INTS1: variants seen among roughly 807,000 people sequenced by gnomAD.
The protein encoded by INTS1 is integrator complex subunit 1.
A neutral mutation model predicts 241.6 loss-of-function variants in INTS1; 137 were observed. The ratio of observed to expected loss-of-function variants is 0.57; its 90% CI spans 0.49 to 0.65. The LOEUF (loss-of-function observed/expected upper bound fraction) is 0.65, where lower values mean the gene tolerates loss of function less well. Ranked by LOEUF, INTS1 falls within the 30% of genes least tolerant of loss-of-function variation. The pLI is 0.00. For synonymous variants in INTS1, 1,692 were observed against 1,337.8 expected (o/e 1.26, Z -5.78); for missense variants, 3,073 against 3,032.2 (o/e 1.01, Z -0.32).
chr7:1,480,223 CA>C, intron 30 of INTS1, 93 bp downstream of exon 30: 3 of 1,426,890 alleles, frequency 2.1e-6, no homozygotes, highest in Non-Finnish European at 2.8e-6. Context: ...GGCGGTCACG[CA>C]AGTAAAGGCC....
intron 14 of INTS1, among the ~76,000 whole-genome samples, 185 bp from the exon 15 acceptor site, chr7:1,494,096 G>C (rs1782728029): frequency 6.6e-6 from 1 of 152,194 alleles, no homozygotes; most frequent in Non-Finnish European, 1.5e-5. Flanking sequence ...CTGGCTCTAA[G>C]TCTCGCCTGG....
chr7:1,470,895 C>A lies in INTS1; in HGVS notation c.6408G>T (p.Val2136=). 6.3e-7 allele frequency: 1 copy of A among 1,593,626 alleles called. No individual in the cohort carries two copies. Among genetic ancestry groups the A allele is most frequent in the East Asian group, 2.3e-5 (1 of 43,604 alleles). The change falls in exon 47 of 48, where the codon GTG becomes GTT. Residue 2136 remains valine, a synonymous_variant. Coordinates refer to ENST00000404767, the MANE Select transcript of INTS1 (RefSeq NM_001080453.3). ...MYCLGSQDFE[V]VQTALRNLPE... is the part of the protein sequence containing the mutation. The stretch of plus-strand genomic sequence containing the variant: ...GCAGGTTCCGGAGGGCCGTCTGCAC[C>A]ACCTCAAAGTCCTGGCTGCCCAGGC...
Position 1,478,455 on chromosome 7 carries a change from A to T in INTS1, c.4541T>A (p.Leu1514Gln), listed in dbSNP as rs1453164826. 1.2e-6 allele frequency: 2 copies of T among 1,612,286 alleles called. No individual in the cohort carries two copies. Among genetic ancestry groups the T allele is most frequent in the Non-Finnish European group, 1.7e-6 (2 of 1,179,762 alleles). The change falls in exon 33 of 48, where the codon CTG becomes CAG. Residue 1514 changes from leucine (L) to glutamine (Q), a missense_variant. Coordinates refer to ENST00000404767, the MANE Select transcript of INTS1 (RefSeq NM_001080453.3). ...ACGGACGGTGGAGCTGACCACCTCC[A>T]GGTCCTGACGGAAGGCCAGGGCCTC... is the stretch of plus-strand genomic sequence containing the variant. ...LAEALAFRQD[L>Q]EVVSSTVRAV... is the part of the protein sequence containing the mutation.
chr7:1,501,832 C>T (rs560431374), intron 3 of INTS1, among the ~76,000 whole-genome samples: 31 of 152,320 alleles, frequency 2.0e-4, no homozygotes, highest in South Asian at 1.7e-3. Flanking sequence ...CTGCCCACAG[C>T]GCCCAGCCTC....
At position 1,470,529 on chromosome 7, in the gene INTS1, CG is replaced by C; in HGVS notation, c.*47del. On this transcript the variant is annotated 3_prime_UTR_variant, in exon 48 of 48. Coordinates refer to ENST00000404767, the MANE Select transcript of INTS1 (RefSeq NM_001080453.3). ...TCCTGGGCTTTGCCTCGAGGATCCC[CG>C]GGGACGGGACGGGCCGGGGCTTGGA... 2 of 1,410,186 alleles carry C rather than the reference CG, an allele frequency of 1.4e-6. No homozygotes were observed. 87.4% of individuals were successfully genotyped at this position (1,410,186 alleles called of 1,614,324 possible).
In INTS1 at chr7:1,478,349, T is replaced by C. The variant is rs1033422090; in HGVS notation, c.4630+17A>G. On this transcript the variant is annotated intron_variant, in intron 33 of 47. Coordinates refer to ENST00000404767, the MANE Select transcript of INTS1 (RefSeq NM_001080453.3). ...CCAGGGCCGCCGTGGCCCAAGAGGATGGTGCCAGGAAGGTACCTTTGCTGA... is the reference window on the plus strand; with the variant it reads ...CCAGGGCCGCCGTGGCCCAAGAGGACGGTGCCAGGAAGGTACCTTTGCTGA... 5.0e-6 allele frequency: 8 copies of C among 1,609,662 alleles called. No individual in the cohort carries two copies. The highest frequency in any genetic ancestry group is 5.1e-6 in the Non-Finnish European group (6 of 1,177,520).
In INTS1 at chr7:1,481,105, G is replaced by C; in HGVS notation, c.3851-172C>G. ...CTGAGGCCCCAACAGCTCCCTCCAAGCTCAAAACACGGCCCTAGGGGGTGC... is the reference window on the plus strand; with the variant it reads ...CTGAGGCCCCAACAGCTCCCTCCAACCTCAAAACACGGCCCTAGGGGGTGC... On this transcript the variant is annotated intron_variant, in intron 28 of 47. Coordinates refer to ENST00000404767, the MANE Select transcript of INTS1 (RefSeq NM_001080453.3). The surrounding 1 kb of genome is among the most constrained non-coding windows in gnomAD (Gnocchi z 6.8). The C allele has an allele frequency of 1.4e-6, 1 of 690,560 alleles. No individual in the cohort carries two copies. 42.8% of individuals were successfully genotyped at this position (690,560 alleles called of 1,614,324 possible). A position where few individuals can be genotyped will look rare whatever the true frequency, so the allele number is the denominator to read the frequency against.
Position 1,487,337 on chromosome 7 carries a change from G to A in INTS1, c.2629C>T (p.His877Tyr). Residue 877 changes from histidine (H) to tyrosine (Y), a missense_variant, in exon 20 of 48, where the codon CAC becomes TAC. Physicochemically the swap from His to Tyr is moderately conservative, Grantham distance 83 (BLOSUM62 2). Coordinates refer to ENST00000404767, the MANE Select transcript of INTS1 (RefSeq NM_001080453.3). ...CRSRNPDFLL[H>Y]IIQRQASSQS... is the part of the protein sequence containing the mutation. ...GCACTCACCTGCCGCTGGATGATGT[G>A]GAGGAGAAAGTCAGGGTTTCGGCTG... 6.2e-7 allele frequency: 1 copy of A among 1,602,764 alleles called. No individual in the cohort carries two copies. Among genetic ancestry groups the A allele is most frequent in the African/African-American group, 1.3e-5 (1 of 74,936 alleles).
chr7:1,485,503 C>T (rs371935378), intron 22 of INTS1, 34 bp from the exon 23 acceptor site: 26 of 1,602,338 alleles, frequency 1.6e-5, no homozygotes, highest in Middle Eastern at 1.7e-4. Context: ...GGCCGGCTTT[C>T]GGCAGTGCAG....
intron 31 of INTS1, among the ~76,000 whole-genome samples, 178 bp downstream of exon 31, chr7:1,479,252 G>A (rs1043967950): frequency 3.3e-5 from 5 of 152,222 alleles, no homozygotes; most frequent in East Asian, 1.9e-4. Context: ...CTCCCGTCCC[G>A]GGGGAATGTT....
At position 1,473,168 on chromosome 7, in the gene INTS1, T is replaced by C. The variant is rs1484087719; in HGVS notation, c.5974A>G (p.Asn1992Asp). The change falls in exon 43 of 48, where the codon AAC becomes GAC. Residue 1992 changes from asparagine (N) to aspartate (D), a missense_variant. Physicochemically the swap from Asn to Asp is conservative, Grantham distance 23 (BLOSUM62 1). Coordinates refer to ENST00000404767, the MANE Select transcript of INTS1 (RefSeq NM_001080453.3). ...ADPLHDLSFD[N>D]SDLVMLKSLL... Reference sequence around the variant, plus strand: ...GATTTCAGCATCACCAGGTCACTGTTGTCGAAGGACAGGTCGCTGGGGAGA... The same window carrying C: ...GATTTCAGCATCACCAGGTCACTGTCGTCGAAGGACAGGTCGCTGGGGAGA... The C allele has an allele frequency of 1.9e-6, 3 of 1,611,566 alleles. No homozygotes were observed. The highest frequency in any genetic ancestry group is 1.7e-5 in the Admixed American group (1 of 59,918).
chr7:1,476,810 T>C lies in INTS1; in HGVS notation c.5047A>G (p.Lys1683Glu), dbSNP rs764693341. ...GGCGCCCACCTCTGTTCCCGGCTCT[T>C]GCCCAGCAGGACTCGGATGCACTGG... ...LHQCIRVLLG[K>E]SREQRFDPSA... The change falls in exon 36 of 48, where the codon AAG becomes GAG. Residue 1683 changes from lysine (K) to glutamate (E), a missense_variant. By Grantham distance (56) the Lys-to-Glu change is moderately conservative. Transcript: ENST00000404767. 1 of 1,612,986 alleles carries C rather than the reference T, an allele frequency of 6.2e-7. No homozygotes were observed. Among genetic ancestry groups the C allele is most frequent in the Non-Finnish European group, 8.5e-7 (1 of 1,179,872 alleles).
At chr7:1,494,280 A>G (rs949766366) in intron 14 of INTS1, among the ~76,000 whole-genome samples, 6 of 152,236 alleles carry the variant, frequency 3.9e-5, no homozygotes, top group Admixed American at 1.3e-4. Flanking sequence ...ACACCTCCAA[A>G]GCCTGACCGG....
chr7:1,489,903 T>G (rs1782463742), intron 16 of INTS1, among the ~76,000 whole-genome samples: 2 of 152,186 alleles, frequency 1.3e-5, no homozygotes, highest in South Asian at 4.1e-4. Context: ...AAGTCTCTGT[T>G]TCCCATCTAC....
chr7:1,484,567 G>A (rs1337227847), intron 24 of INTS1, among the ~76,000 whole-genome samples: 23 of 152,166 alleles, frequency 1.5e-4, no homozygotes, highest in Non-Finnish European at 2.9e-4. Flanking sequence ...CAGCACCCAG[G>A]AGAGAAGATG....
chr7:1,498,086 G>A (rs527792369), intron 10 of INTS1, among the ~76,000 whole-genome samples: 3 of 152,280 alleles, frequency 2.0e-5, no homozygotes, highest in African/African-American at 2.4e-5. Context: ...TCCAAAGGCA[G>A]GAATGAGCTT....
intron 4 of INTS1, 59 bp from the exon 5 acceptor site, chr7:1,500,080 G>A: frequency 6.3e-7 from 1 of 1,599,790 alleles, no homozygotes; most frequent in Non-Finnish European, 8.5e-7. Flanking sequence ...CAAAGCTGGG[G>A]TGGGCCGGGA....
At chr7:1,470,768 C>G (rs1327453430) in intron 47 of INTS1, 76 bp from the exon 48 acceptor site, 33 of 1,473,704 alleles carry the variant, frequency 2.2e-5, no homozygotes, top group Non-Finnish European at 3.0e-5. Context: ...TCGGGACTCC[C>G]AAGAGCCAGC....
chr7:1,478,221 C>G, intron 33 of INTS1, 145 bp downstream of exon 33: 1 of 920,306 alleles, frequency 1.1e-6, no homozygotes, highest in South Asian at 1.7e-5. Context: ...CGCCCTGAGC[C>G]ATCTGGGAGG....
Sources: gnomAD v4.1 joint callset for allele counts (sites outside exome capture counted in the v4.1 genomes callset) on GRCh38, gnomAD v4.1.1 for gene constraint, Gnocchi (gnomAD v3.1) non-coding constraint, MANE v1.5 for transcripts, NCBI Gene and HGNC (gene_info 2026-07-23, HGNC 2026-07-21) for gene names.